GYS2: variants seen among roughly 807,000 people sequenced by gnomAD.
GYS2 encodes the protein glycogen synthase 2.
Under a neutral mutation model 85.6 loss-of-function variants are expected in GYS2, and 80 were observed. The ratio of observed to expected loss-of-function variants is 0.93; its 90% CI spans 0.78 to 1.13. The LOEUF (loss-of-function observed/expected upper bound fraction) is 1.13. GYS2 is among the 50% of genes most tolerant of loss of function. GYS2 has a pLI of 0.00. For missense variants in GYS2, 881 were observed against 854.9 expected (o/e 1.03, Z -0.38); for synonymous variants, 328 against 300.7 (o/e 1.09, Z -0.94).
chr12:21,577,395 A>G (rs1944458651), intron 2 of GYS2, among the ~76,000 whole-genome samples: 1 of 152,210 alleles, frequency 6.6e-6, no homozygotes, highest in Non-Finnish European at 1.5e-5. Flanking sequence ...GCCAATTGGC[A>G]TTGACCTCCA....
chr12:21,542,045 A>G (rs1005511910), intron 13 of GYS2, among the ~76,000 whole-genome samples: 3 of 125,214 alleles, frequency 2.4e-5, no homozygotes, highest in Non-Finnish European at 5.4e-5. Context: ...TTCTATTTAT[A>G]AATCTACTTT....
intron 11 of GYS2, among the ~76,000 whole-genome samples, chr12:21,550,352 C>CA (rs1565594778): frequency 7.1e-4 from 87 of 121,694 alleles, no homozygotes; most frequent in Admixed American, 1.8e-3. Flanking sequence ...CACACACACA[C>CA]CCCTGGTTTT....
At chr12:21,586,639 G>A (rs1403806801) in intron 1 of GYS2, among the ~76,000 whole-genome samples, 1 of 152,108 alleles carries the variant, frequency 6.6e-6, no homozygotes, top group Non-Finnish European at 1.5e-5. Flanking sequence ...CCTTATGCCA[G>A]TCAGAATGGC....
chr12:21,542,076 G>A (rs1943983313), intron 13 of GYS2, among the ~76,000 whole-genome samples: 1 of 151,150 alleles, frequency 6.6e-6, no homozygotes, highest in Non-Finnish European at 1.5e-5. Context: ...GAGACAGCCT[G>A]AGGCTCTGTC....
At position 21,559,679 on chromosome 12, in the gene GYS2, C is replaced by G. The variant is rs757888229; in HGVS notation, c.1201G>C (p.Gly401Arg). 3.8e-6 allele frequency: 6 copies of G among 1,594,504 alleles called. No homozygotes were observed. The highest frequency in any genetic ancestry group is 5.2e-6 in the Non-Finnish European group (6 of 1,162,430). The change falls in exon 9 of 16, where the codon GGA (glycine) becomes CGA (arginine). Residue 401 changes from glycine to arginine, a missense_variant. Physicochemically the swap from Gly to Arg is moderately radical, Grantham distance 125. Coordinates refer to ENST00000261195, the MANE Select transcript of GYS2 (RefSeq NM_021957.4). Reference protein sequence around the residue: ...DVAHSVKEKFGKKLYDALLRG... With the variant: ...DVAHSVKEKFRKKLYDALLRG... ...AATAATGCATCATAGAGTTTTTTTC[C>G]AAACTTTTCCTTCACAGAATGTGCA...
chr12:21,587,502 T>C (rs929130435), intron 1 of GYS2, among the ~76,000 whole-genome samples: 4 of 152,210 alleles, frequency 2.6e-5, no homozygotes, highest in African/African-American at 7.2e-5. Flanking sequence ...AAGCGGCTTT[T>C]CCCCCTTTTG....
intron 1 of GYS2, among the ~76,000 whole-genome samples, chr12:21,595,806 T>C (rs1309741349): frequency 6.6e-6 from 1 of 152,064 alleles, no homozygotes; most frequent in Non-Finnish European, 1.5e-5. Context: ...CAATTACTAA[T>C]AGACCTAAGA....
chr12:21,593,211 C>T (rs1419161698), intron 1 of GYS2, among the ~76,000 whole-genome samples: 2 of 151,340 alleles, frequency 1.3e-5, no homozygotes, highest in African/African-American at 4.8e-5. Flanking sequence ...TAATCATGTA[C>T]CTCAACAAGC....
intron 1 of GYS2, among the ~76,000 whole-genome samples, chr12:21,599,577 C>T (rs1944732818): frequency 6.6e-6 from 1 of 152,130 alleles, no homozygotes; most frequent in Non-Finnish European, 1.5e-5. Flanking sequence ...AGCTGTGCAA[C>T]CAAGCATAGT....
At chr12:21,545,031 C>T (rs1413381800) in intron 12 of GYS2, among the ~76,000 whole-genome samples, 1 of 152,200 alleles carries the variant, frequency 6.6e-6, no homozygotes, top group African/African-American at 2.4e-5. Flanking sequence ...TATTCCCTCT[C>T]ACCTTGGCCT....
intron 12 of GYS2, among the ~76,000 whole-genome samples, chr12:21,545,335 A>G (rs4762839): frequency 0.97 from 147,983 of 152,194 alleles, 71,968 homozygotes; most frequent in East Asian, 1. Flanking sequence ...CCAGCTACTC[A>G]AGAGGCTGAG....
chr12:21,575,042 T>G (rs900437696), intron 3 of GYS2, among the ~76,000 whole-genome samples: 2 of 152,188 alleles, frequency 1.3e-5, no homozygotes, highest in African/African-American at 2.4e-5. Flanking sequence ...TATTTGATTT[T>G]GAGAAACAAA....
intron 1 of GYS2, among the ~76,000 whole-genome samples, chr12:21,586,419 A>ATATC (rs60692055): frequency 0.24 from 36,058 of 147,698 alleles, 4,400 homozygotes; most frequent in East Asian, 0.31. Flanking sequence ...ATCTAAATCT[A>ATATC]TATCTATCTA....
Position 21,592,338 on chromosome 12 carries a change from A to G in GYS2, c.122-11815T>C, listed in dbSNP as rs530924823. On this transcript the variant is annotated intron_variant, in intron 1 of 15. Coordinates refer to ENST00000261195, the MANE Select transcript of GYS2 (RefSeq NM_021957.4). ...AATGGATTAAATTGTTACTTGAAAG[A>G]TATAGACTGGCTAAATAGATTTAAA... Among the ~76,000 whole-genome samples, 355 of 152,166 alleles carry G rather than the reference A, an allele frequency of 2.3e-3. 2 individuals carry two copies. The highest frequency in any genetic ancestry group is 7.9e-3 in the African/African-American group (330 of 41,568).
chr12:21,576,657 T>C (rs979160916), intron 2 of GYS2, among the ~76,000 whole-genome samples: 3 of 152,230 alleles, frequency 2.0e-5, no homozygotes, highest in Admixed American at 1.3e-4. Context: ...ACTCAAAGTA[T>C]AATTCTATTA....
Position 21,536,859 on chromosome 12 carries a change from TAGA to T in GYS2, c.*92_*94del, listed in dbSNP as rs1943915725. The T allele has an allele frequency of 3.5e-5, 30 of 846,034 alleles. 1 individual carries two copies. The South Asian group carries it at 4.2e-4, about 12-fold the overall frequency. The allele number at this position is 846,034 out of a possible 1,614,324, so 52.4% of individuals were successfully genotyped here. On this transcript the variant is annotated 3_prime_UTR_variant, in exon 16 of 16. Coordinates refer to ENST00000261195, the MANE Select transcript of GYS2 (RefSeq NM_021957.4). ...AGAGAATAAACTCCATTGTAATACT[TAGA>T]AGGAGAAAATGAAATTTGTGGCATT... is the stretch of plus-strand genomic sequence containing the variant.
At chr12:21,552,506 G>A (rs1944124660) in intron 11 of GYS2, among the ~76,000 whole-genome samples, 1 of 152,266 alleles carries the variant, frequency 6.6e-6, no homozygotes, top group African/African-American at 2.4e-5. Flanking sequence ...CTAAGTTATT[G>A]CCAAATTTTT....
At chr12:21,548,081 G>T (rs944864337) in intron 11 of GYS2, among the ~76,000 whole-genome samples, 2 of 105,328 alleles carry the variant, frequency 1.9e-5, no homozygotes, top group East Asian at 6.3e-4. Context: ...TGACATAAAT[G>T]TTGGTTGATT....
At chr12:21,595,170 G>T (rs901823369) in intron 1 of GYS2, among the ~76,000 whole-genome samples, 1 of 152,210 alleles carries the variant, frequency 6.6e-6, no homozygotes, top group Non-Finnish European at 1.5e-5. Flanking sequence ...GGTAGGCCTA[G>T]ATTGCAGCTC....
Sources: gnomAD v4.1 joint callset for allele counts (sites outside exome capture counted in the v4.1 genomes callset) on GRCh38, gnomAD v4.1.1 for gene constraint, MANE v1.5 for transcripts, NCBI Gene and HGNC (gene_info 2026-07-23, HGNC 2026-07-21) for gene names.